The following CCDC85C variants were observed in gnomAD, a reference collection of about 807,000 sequenced individuals.
The protein encoded by CCDC85C is coiled-coil domain containing 85C.
Under a neutral mutation model 38.3 loss-of-function variants are expected in CCDC85C, and 18 were observed. The observed-to-expected ratio is 0.47, with a 90% CI of 0.33 to 0.70. The LOEUF (loss-of-function observed/expected upper bound fraction) is 0.70. CCDC85C is among the 30% of genes least tolerant of loss of function. The pLI, the probability that CCDC85C is intolerant of heterozygous loss-of-function variation, is 0.03. For synonymous variants in CCDC85C, 264 were observed against 293.8 expected, an observed-to-expected ratio of 0.90 and a Z score of 1.04; for missense variants, 566 against 621.2, an observed-to-expected ratio of 0.91 and a Z score of 0.94.
chr14:99,553,739 A>T (rs888679636), intron 1 of CCDC85C, among the ~76,000 whole-genome samples: 7 of 152,220 alleles, frequency 4.6e-5, no homozygotes, highest in African/African-American at 1.4e-4. Flanking sequence ...CTGCATGCCG[A>T]GCCCCCAAGG....
rs1463751722 is a variant in CCDC85C at position 99,504,114 on chromosome 14, T to C, written c.*11132A>G. ...GAAACACACTTGGGTTGAGGTGCTG[T>C]CACATGTCTAGAACCCAAAGTTAGT... On this transcript the variant is annotated 3_prime_UTR_variant, in exon 6 of 6. Transcript: ENST00000380243. 2 of 361,912 alleles carry C rather than the reference T, an allele frequency of 5.5e-6. No individual in the cohort carries two copies. 22.4% of individuals were successfully genotyped at this position (361,912 alleles called of 1,614,324 possible).
rs937957423 is a variant in CCDC85C at position 99,572,371 on chromosome 14, G to T, written c.793+30796C>A. Reference sequence around the variant, plus strand: ...TGTGGCCTTCCTCACGGGACACTGCGGGCGCTGCGGGCTAGTGTCTCAGCC... The same window carrying T: ...TGTGGCCTTCCTCACGGGACACTGCTGGCGCTGCGGGCTAGTGTCTCAGCC... On this transcript the variant is annotated intron_variant, in intron 1 of 5. Transcript: ENST00000380243. This position sits in a 1 kb window ranked among gnomAD's most constrained non-coding sequence, Gnocchi z 4.4. Among the ~76,000 whole-genome samples, 1 of 152,166 alleles carries T rather than the reference G, an allele frequency of 6.6e-6. No homozygotes were observed. Among genetic ancestry groups the T allele is most frequent in the South Asian group, 2.1e-4 (1 of 4,832 alleles).
chr14:99,531,421 C>T (rs752021216), intron 2 of CCDC85C, among the ~76,000 whole-genome samples: 33 of 152,120 alleles, frequency 2.2e-4, no homozygotes, highest in Non-Finnish European at 3.7e-4. Context: ...AGAATGCACA[C>T]GGAGTCTTGA....
At chr14:99,565,613 G>A (rs1434170309) in intron 1 of CCDC85C, among the ~76,000 whole-genome samples, 1 of 152,204 alleles carries the variant, frequency 6.6e-6, no homozygotes, top group African/African-American at 2.4e-5. Context: ...AGGGAGGCTG[G>A]GAGCGGGGGC....
intron 1 of CCDC85C, among the ~76,000 whole-genome samples, chr14:99,537,679 C>A (rs1897630413): frequency 6.6e-6 from 1 of 152,174 alleles, no homozygotes; most frequent in African/African-American, 2.4e-5. Flanking sequence ...GCCCAGCCTC[C>A]CCGCCCTGCC....
intron 1 of CCDC85C, among the ~76,000 whole-genome samples, chr14:99,567,198 A>AGCGCTTGGG: frequency 6.6e-6 from 1 of 151,722 alleles, no homozygotes; most frequent in East Asian, 2.0e-4. Context: ...CAGTCACAGG[A>AGCGCTTGGG]AGAGCAGGTT....
At chr14:99,517,297 G>T (rs1897242464) in intron 3 of CCDC85C, 114 bp from the exon 4 acceptor site, 1 of 812,144 alleles carries the variant, frequency 1.2e-6, no homozygotes, top group African/African-American at 1.7e-5. Context: ...GGAGGAAAAG[G>T]GGACCGGGGT....
chr14:99,526,548 G>A (rs995174888), intron 2 of CCDC85C, among the ~76,000 whole-genome samples: 29 of 152,278 alleles, frequency 1.9e-4, no homozygotes, highest in African/African-American at 4.1e-4. Context: ...GCAAGGCCAC[G>A]GCCCAGTGAC....
intron 1 of CCDC85C, among the ~76,000 whole-genome samples, chr14:99,559,260 A>C (rs1186937322): frequency 1.3e-5 from 2 of 151,736 alleles, no homozygotes; most frequent in Admixed American, 1.3e-4. Context: ...TGACACCTTG[A>C]CTTTGGACTT....
At position 99,500,538 on chromosome 14, in the gene CCDC85C, AT is replaced by A. The variant is rs995676047; in HGVS notation, c.*14707del. On this transcript the variant is annotated 3_prime_UTR_variant, in exon 6 of 6. Transcript: ENST00000380243. ...TTTTTAAGGATCTTTTGTTTTCAGT[AT>A]TTTTTTTTACATTACACCTCTGCTT... is the stretch of plus-strand genomic sequence containing the variant. 1,388 of 447,948 alleles carry A rather than the reference AT, an allele frequency of 3.1e-3. No homozygotes were observed. Among genetic ancestry groups the A allele is most frequent in the Middle Eastern group, 8.2e-3 (14 of 1,700 alleles). The allele number at this position is 447,948 out of a possible 1,614,324, so 27.7% of individuals were successfully genotyped here.
In CCDC85C at chr14:99,516,173, C is replaced by T; in HGVS notation, c.1170+15G>A. On this transcript the variant is annotated intron_variant, in intron 5 of 5. Coordinates refer to ENST00000380243, the MANE Select transcript of CCDC85C (RefSeq NM_001144995.2). This position sits in a 1 kb window ranked among gnomAD's most constrained non-coding sequence, Gnocchi z 5.5. The stretch of plus-strand genomic sequence containing the variant: ...CCAGTGCCAAGCCTCTGCCCCCCAC[C>T]CCTGGAAGCCTCACGTTGCACATCT... The T allele has an allele frequency of 6.5e-7, 1 of 1,548,032 alleles. No individual in the cohort carries two copies. Among genetic ancestry groups the T allele is most frequent in the South Asian group, 1.2e-5 (1 of 84,014 alleles).
chr14:99,578,308 AGT>A (rs144925029), intron 1 of CCDC85C, among the ~76,000 whole-genome samples: 23,896 of 104,110 alleles, frequency 0.23, 2,369 homozygotes, highest in South Asian at 0.32. Context: ...ATCCCCCATC[AGT>A]GTGTGTGTGT....
chr14:99,518,212 C>T (rs759009277), intron 3 of CCDC85C, among the ~76,000 whole-genome samples: 10 of 152,150 alleles, frequency 6.6e-5, no homozygotes, highest in Non-Finnish European at 7.4e-5. Context: ...GGACCTGGAA[C>T]CCCCTGCAGG....
In CCDC85C at chr14:99,522,184, C is replaced by T. The variant is rs1490779625; in HGVS notation, c.924G>A (p.Ser308=). The T allele has an allele frequency of 7.1e-6, 11 of 1,550,842 alleles. No homozygotes were observed. Among genetic ancestry groups the T allele is most frequent in the Non-Finnish European group, 9.6e-6 (11 of 1,146,930 alleles). ...TLRKGFSPYH[S]ESQLASLPPS... is the part of the protein sequence containing the mutation. ...GCGGCAGGGACGCAAGCTGGGACTC[C>T]GAGTGGTAGGGCGAGAAGCCTTTCC... Residue 308 remains serine, a synonymous_variant, in exon 3 of 6, where the codon TCG becomes TCA. Coordinates refer to ENST00000380243, the MANE Select transcript of CCDC85C (RefSeq NM_001144995.2).
In CCDC85C at chr14:99,511,382, A is replaced by G. The variant is rs1173439499; in HGVS notation, c.*3864T>C. On this transcript the variant is annotated 3_prime_UTR_variant, in exon 6 of 6. Coordinates refer to ENST00000380243, the MANE Select transcript of CCDC85C (RefSeq NM_001144995.2). ...TGTACTTGGAAATTAATGTATGTTT[A>G]CATCTCTTTGCAAATTCCTGTACAT... 6.6e-6 allele frequency: 1 copy of G among 152,328 alleles called. No homozygotes were observed. The highest frequency in any genetic ancestry group is 1.5e-5 in the Non-Finnish European group (1 of 68,026). The allele number at this position is 152,328 out of a possible 1,614,324, so 9.4% of individuals were successfully genotyped here.
chr14:99,587,969 G>A (rs1216153794), intron 1 of CCDC85C, among the ~76,000 whole-genome samples: 1 of 152,178 alleles, frequency 6.6e-6, no homozygotes, highest in East Asian at 1.9e-4. Context: ...GGAGAACGTG[G>A]CAAGCTCCAG....
rs147971571 is a variant in CCDC85C, at chr14:99,538,033, G to A, written c.794-1945C>T. Among the ~76,000 whole-genome samples, 11 of 152,284 alleles carry A rather than the reference G, an allele frequency of 7.2e-5. No homozygotes were observed. In the East Asian group the frequency reaches 2.1e-3, roughly 29 times the overall value. On this transcript the variant is annotated intron_variant, in intron 1 of 5. Transcript: ENST00000380243. Reference sequence around the variant, plus strand: ...ACTCTGACAGAGCTAGGACAAGAACGCACCAATGACTATGGACCCACGTGT... The same window carrying A: ...ACTCTGACAGAGCTAGGACAAGAACACACCAATGACTATGGACCCACGTGT...
In CCDC85C at chr14:99,510,793, T is replaced by C. The variant is rs1474413517; in HGVS notation, c.*4453A>G. On this transcript the variant is annotated 3_prime_UTR_variant, in exon 6 of 6. Coordinates refer to ENST00000380243, the MANE Select transcript of CCDC85C (RefSeq NM_001144995.2). Reference sequence around the variant, plus strand: ...GCCTGGATGAGATAACGTGAGCCTTTTTTCCCTCTTTGTTTTTTTAACAAG... The same window carrying C: ...GCCTGGATGAGATAACGTGAGCCTTCTTTCCCTCTTTGTTTTTTTAACAAG... 5 of 1,416,306 alleles carry C rather than the reference T, an allele frequency of 3.5e-6. No homozygotes were observed. Among genetic ancestry groups the C allele is most frequent in the Non-Finnish European group, 4.6e-6 (5 of 1,085,018 alleles). The allele number at this position is 1,416,306 out of a possible 1,614,324, so 87.7% of individuals were successfully genotyped here. A position where few individuals can be genotyped will look rare whatever the true frequency, so the allele number is the denominator to read the frequency against.
intron 1 of CCDC85C, among the ~76,000 whole-genome samples, chr14:99,599,785 G>A (rs987539284): frequency 2.0e-5 from 3 of 152,164 alleles, no homozygotes; most frequent in African/African-American, 7.2e-5. Context: ...CGAGGCAAGA[G>A]GATTACTTGA....
Sources: allele counts gnomAD v4.1 joint callset (sites outside exome capture counted in the v4.1 genomes callset), GRCh38; gene constraint gnomAD v4.1.1; non-coding constraint Gnocchi (gnomAD v3.1); transcripts MANE v1.5; gene names NCBI Gene and HGNC (gene_info 2026-07-23, HGNC 2026-07-21).